Variants in SLC6A13 observed in about 807,000 individuals in gnomAD.
SLC6A13 encodes the protein sodium- and chloride-dependent GABA transporter 2.
A neutral mutation model predicts 72.9 loss-of-function variants in SLC6A13; 69 were observed. That is an observed-to-expected ratio of 0.95 (90% CI 0.78 to 1.16). SLC6A13 has a LOEUF of 1.16. Among genes scored for constraint, SLC6A13 ranks in the 50% most tolerant of loss-of-function variants. The pLI, the probability that SLC6A13 is intolerant of heterozygous loss-of-function variation, is 0.00. For synonymous variants in SLC6A13, 303 were observed against 303.0 expected (o/e 1.00, Z 0.00); for missense variants, 735 against 760.5 (o/e 0.97, Z 0.39).
At position 242,722 on chromosome 12, in the gene SLC6A13, G is replaced by A. The variant is rs1287381395; in HGVS notation, c.370C>T (p.Leu124Phe). The change falls in exon 4 of 15, where the codon CTC becomes TTC. Residue 124 changes from leucine to phenylalanine, a missense_variant. By Grantham distance (22) the Leu-to-Phe change is conservative. Coordinates refer to ENST00000343164, the MANE Select transcript of SLC6A13 (RefSeq NM_016615.5). Reference protein sequence around the residue: ...IGYASQMIVILLNVYYIIVLA... With the variant: ...IGYASQMIVIFLNVYYIIVLA... The stretch of plus-strand genomic sequence containing the variant: ...ACAATGATGTAGTAGACGTTGAGGA[G>A]GATGACGATCATCTGGGAGGCATAG... 1.9e-6 allele frequency: 3 copies of A among 1,599,806 alleles called. No individual in the cohort carries two copies. Among genetic ancestry groups the A allele is most frequent in the South Asian group, 2.3e-5 (2 of 88,458 alleles).
rs77723100 is a variant in SLC6A13, at chr12:235,288, G to C, written c.697-64C>G. 2.1e-3 allele frequency: 3,362 copies of C among 1,571,156 alleles called. 75 individuals are homozygous for C. The African/African-American group carries it at 0.039, about 18-fold the overall frequency. The stretch of plus-strand genomic sequence containing the variant: ...GAGGAAGCAGCAGGGGCAGGAGGCA[G>C]GGGCAGGAGGCAGGGGCAAGAGCTC... On this transcript the variant is annotated intron_variant, in intron 6 of 14. Transcript: ENST00000343164.
intron 2 of SLC6A13, among the ~76,000 whole-genome samples, chr12:247,023 G>T (rs924132451): frequency 5.6e-4 from 8 of 14,280 alleles, no homozygotes; most frequent in Admixed American, 1.3e-3. Context: ...AAAAAAAAAA[G>T]AAAGAAAGAA....
chr12:229,780 C>G (rs549653570), intron 7 of SLC6A13, among the ~76,000 whole-genome samples: 1 of 152,282 alleles, frequency 6.6e-6, no homozygotes, highest in East Asian at 1.9e-4. Flanking sequence ...CCGCGGCTGC[C>G]CACACACATT....
intron 2 of SLC6A13, among the ~76,000 whole-genome samples, chr12:252,251 G>A (rs983841993): frequency 6.6e-6 from 1 of 152,168 alleles, no homozygotes; most frequent in Non-Finnish European, 1.5e-5. Context: ...CACACTGTAT[G>A]ATTCCATCTA....
chr12:223,050 G>A, intron 12 of SLC6A13, 82 bp downstream of exon 12: 1 of 835,314 alleles, frequency 1.2e-6, no homozygotes. Flanking sequence ...AGTGCGAGCA[G>A]TAGATGTCTG....
rs1172667575 is a variant in SLC6A13, at chr12:262,798, G to A, written c.-15C>T. ...AGAAAACATTTCGAACCTTAGTGAA[G>A]CTGCTGCCAGAGGTCCAGTCAGGGG... On this transcript the variant is annotated 5_prime_UTR_variant, in exon 1 of 15. Transcript: ENST00000343164. 1.7e-6 allele frequency: 1 copy of A among 578,542 alleles called. No individual in the cohort carries two copies. The highest frequency in any genetic ancestry group is 2.2e-6 in the Non-Finnish European group (1 of 458,486). The allele number at this position is 578,542 out of a possible 1,614,324, so 35.8% of individuals were successfully genotyped here.
rs79680289 is a variant in SLC6A13, at chr12:237,920, A to G, written c.563+6T>C. On this transcript the variant is annotated splice_donor_region_variant and intron_variant, in intron 5 of 14. Transcript: ENST00000343164. ...CCCACAGTGGGTGGGGAAGGGTCTC[A>G]CTTACTCCCAGAACTCGATGACAGG... is the stretch of plus-strand genomic sequence containing the variant. 9,860 of 1,609,300 alleles carry G rather than the reference A, an allele frequency of 6.1e-3. 421 individuals carry two copies. The Admixed American group carries it at 0.091, about 15-fold the overall frequency.
At chr12:234,957 G>C in intron 7 of SLC6A13, 133 bp downstream of exon 7, 2 of 951,866 alleles carry the variant, frequency 2.1e-6, no homozygotes, top group Non-Finnish European at 3.2e-6. Context: ...GAGAAGGAAG[G>C]GTGCACCTCT....
In SLC6A13 at chr12:243,311, G is replaced by A. The variant is rs573918948; in HGVS notation, c.337+368C>T. 1.2e-4 allele frequency among the ~76,000 whole-genome samples: 18 copies of A among 152,290 alleles called. 1 individual carries two copies. The highest frequency in any genetic ancestry group is 5.2e-4 in the Admixed American group (8 of 15,308). ...ATTACAGGCATGGGCCACCACGCCC[G>A]GCCAAGATAGAACTATGAATGAAAT... On this transcript the variant is annotated intron_variant, in intron 3 of 14. Transcript: ENST00000343164.
intron 8 of SLC6A13, 100 bp downstream of exon 8, chr12:227,465 C>G: frequency 6.4e-7 from 1 of 1,559,862 alleles, no homozygotes. Context: ...GGGGGCAGAT[C>G]CAGGAGCTGA....
At chr12:248,382 C>T (rs563520931) in intron 2 of SLC6A13, among the ~76,000 whole-genome samples, 13 of 132,778 alleles carry the variant, frequency 9.8e-5, no homozygotes, top group East Asian at 2.2e-4. Context: ...CCAGCCTAGG[C>T]GACAGCAAGA....
intron 1 of SLC6A13, among the ~76,000 whole-genome samples, chr12:262,198 C>T (rs550546553): frequency 6.6e-6 from 1 of 152,268 alleles, no homozygotes; most frequent in East Asian, 1.9e-4. Flanking sequence ...GCTCCCTTAG[C>T]CTCATTAGAG....
At chr12:222,081 TCA>T (rs915870145) in intron 13 of SLC6A13, among the ~76,000 whole-genome samples, 6 of 152,222 alleles carry the variant, frequency 3.9e-5, no homozygotes, top group Non-Finnish European at 8.8e-5. Context: ...CTCTTCAACC[TCA>T]GTTTCATCTG....
At chr12:257,566 C>T (rs1591872993) in intron 2 of SLC6A13, among the ~76,000 whole-genome samples, 1 of 152,258 alleles carries the variant, frequency 6.6e-6, no homozygotes, top group Middle Eastern at 3.4e-3. Context: ...AGGCTCTACC[C>T]AGGGAGAAGG....
chr12:224,222 C>A, intron 10 of SLC6A13, 93 bp from the exon 11 acceptor site: 1 of 1,536,332 alleles, frequency 6.5e-7, no homozygotes. Flanking sequence ...ATCAGCCCTG[C>A]CAGCCTCACT....
In SLC6A13 at chr12:251,073, G is replaced by A. The variant is rs76055930; in HGVS notation, c.203-7260C>T. Among the ~76,000 whole-genome samples the A allele has an allele frequency of 5.7e-4, 87 of 151,442 alleles. 1 individual carries two copies. The highest frequency in any genetic ancestry group is 3.4e-3 in the Middle Eastern group (1 of 294). The stretch of plus-strand genomic sequence containing the variant: ...CGCGAGGCTGAGGCAGGAGAATTGC[G>A]TGAACCCGGGAGGCGGAGCTTGCAA... On this transcript the variant is annotated intron_variant, in intron 2 of 14. Coordinates refer to ENST00000343164, the MANE Select transcript of SLC6A13 (RefSeq NM_016615.5).
intron 7 of SLC6A13, among the ~76,000 whole-genome samples, chr12:231,220 G>C (rs894683138): frequency 1.3e-5 from 2 of 152,192 alleles, no homozygotes; most frequent in African/African-American, 4.8e-5. Flanking sequence ...CAAGGCCTGG[G>C]GATACCGGGA....
chr12:257,232 C>T (rs1942775636), intron 2 of SLC6A13: 2 of 152,126 alleles, frequency 1.3e-5, no homozygotes, highest in African/African-American at 4.8e-5. Flanking sequence ...GGTCCAGGTT[C>T]CTCTACTGAC....
chr12:238,392 G>A (rs774169324), intron 4 of SLC6A13: 72 of 1,261,990 alleles, frequency 5.7e-5, no homozygotes, highest in Middle Eastern at 4.3e-4. Context: ...GGCCGAGAGC[G>A]CAGGTTGGAA....
Sources: gnomAD v4.1 joint callset for allele counts (sites outside exome capture counted in the v4.1 genomes callset) on GRCh38, gnomAD v4.1.1 for gene constraint, MANE v1.5 for transcripts, NCBI Gene and HGNC (gene_info 2026-07-23, HGNC 2026-07-21) for gene names.